The following KHDRBS2 variants were observed in gnomAD, a reference collection of about 807,000 sequenced individuals.
KHDRBS2 encodes the protein KH RNA binding domain containing, signal transduction associated 2.
KHDRBS2 carries 26 observed loss-of-function variants against 44.3 expected under a neutral mutation model. The ratio of observed to expected loss-of-function variants is 0.59; its 90% CI spans 0.43 to 0.81. The LOEUF (loss-of-function observed/expected upper bound fraction) is 0.81. Among genes scored for constraint, KHDRBS2 ranks in the 40% least tolerant of loss-of-function variants. KHDRBS2 has a pLI of 0.00. For synonymous variants in KHDRBS2, 194 were observed against 151.1 expected, an observed-to-expected ratio of 1.28 and a Z score of -2.08; for missense variants, 476 against 433.1, an observed-to-expected ratio of 1.10 and a Z score of -0.88.
chr6:62,040,586 T>C (rs1477098688), intron 3 of KHDRBS2, among the ~76,000 whole-genome samples: 1 of 152,070 alleles, frequency 6.6e-6, no homozygotes, highest in African/African-American at 2.4e-5. Flanking sequence ...TGGTGAATTC[T>C]TTGCTCGCAT....
intron 2 of KHDRBS2, among the ~76,000 whole-genome samples, chr6:62,172,778 C>T (rs1177664890): frequency 1.4e-5 from 2 of 146,992 alleles, no homozygotes; most frequent in Non-Finnish European, 3.0e-5. Context: ...CATATCAATG[C>T]TAAGAAGATT....
intron 4 of KHDRBS2, among the ~76,000 whole-genome samples, chr6:61,902,919 T>C (rs1276114933): frequency 6.6e-6 from 1 of 152,184 alleles, no homozygotes; most frequent in Non-Finnish European, 1.5e-5. Context: ...CTGCCTTGAT[T>C]ACAAGCAAAA....
At chr6:62,075,782 C>T (rs1796211179) in intron 2 of KHDRBS2, among the ~76,000 whole-genome samples, 1 of 151,684 alleles carries the variant, frequency 6.6e-6, no homozygotes, top group South Asian at 2.1e-4. Context: ...AGGTAACACT[C>T]AGCCTCTGTA....
At chr6:61,864,827 A>G (rs1053216606) in intron 6 of KHDRBS2, among the ~76,000 whole-genome samples, 1 of 152,172 alleles carries the variant, frequency 6.6e-6, no homozygotes, top group Non-Finnish European at 1.5e-5. Flanking sequence ...AGTTTGGGAA[A>G]GTTCTTCTGG....
chr6:61,851,554 G>A (rs1583166690), intron 6 of KHDRBS2, among the ~76,000 whole-genome samples: 1 of 152,094 alleles, frequency 6.6e-6, no homozygotes, highest in East Asian at 1.9e-4. Flanking sequence ...TCGGGACACA[G>A]ACAATACATA....
chr6:62,059,978 T>A (rs976571427), intron 2 of KHDRBS2, among the ~76,000 whole-genome samples: 2 of 151,866 alleles, frequency 1.3e-5, no homozygotes, highest in African/African-American at 4.8e-5. Flanking sequence ...TCTAGAATTC[T>A]ACAGGAATGT....
At chr6:62,165,816 A>G (rs1487222260) in intron 2 of KHDRBS2, among the ~76,000 whole-genome samples, 1 of 151,994 alleles carries the variant, frequency 6.6e-6, no homozygotes, top group Non-Finnish European at 1.5e-5. Flanking sequence ...AAGTAGCTGC[A>G]TGTCACTATA....
intron 1 of KHDRBS2, among the ~76,000 whole-genome samples, chr6:62,212,308 A>C (rs1829193192): frequency 6.6e-6 from 1 of 152,102 alleles, no homozygotes; most frequent in South Asian, 2.1e-4. Context: ...CCATATATGT[A>C]TATACATACA....
At chr6:61,745,151 C>T (rs1291512537) in intron 6 of KHDRBS2, among the ~76,000 whole-genome samples, 1 of 152,020 alleles carries the variant, frequency 6.6e-6, no homozygotes, top group Non-Finnish European at 1.5e-5. Flanking sequence ...AATAATACAA[C>T]TTGGCGCTTG....
At chr6:62,074,044 G>A (rs1037220349) in intron 2 of KHDRBS2, among the ~76,000 whole-genome samples, 1 of 151,776 alleles carries the variant, frequency 6.6e-6, no homozygotes, top group African/African-American at 2.4e-5. Flanking sequence ...TGATAAGGCT[G>A]TGAAGATGTG....
chr6:61,577,869 A>G, the KHDRBS2 span, among the ~76,000 whole-genome samples: 84 of 152,266 alleles, frequency 5.5e-4, no homozygotes, highest in African/African-American at 2.0e-3. Flanking sequence ...TTAGTTACGG[A>G]ATGAGAGCAT....
At chr6:61,934,225 G>A (rs938245399) in intron 4 of KHDRBS2, among the ~76,000 whole-genome samples, 1 of 151,824 alleles carries the variant, frequency 6.6e-6, no homozygotes, top group African/African-American at 2.4e-5. Flanking sequence ...TATATACTTT[G>A]CAAATGTTTT....
At chr6:61,906,125 C>T (rs1804966385) in intron 4 of KHDRBS2, among the ~76,000 whole-genome samples, 1 of 152,030 alleles carries the variant, frequency 6.6e-6, no homozygotes, top group African/African-American at 2.4e-5. Context: ...GGAATATAGG[C>T]GTGAGTCACC....
chr6:61,940,435 AGG>A (rs1350117415), intron 4 of KHDRBS2, among the ~76,000 whole-genome samples: 1 of 152,092 alleles, frequency 6.6e-6, no homozygotes, highest in East Asian at 1.9e-4. Flanking sequence ...CAACTAACAT[AGG>A]GAACTTCCAG....
intron 6 of KHDRBS2, among the ~76,000 whole-genome samples, chr6:61,880,945 C>T (rs1241996081): frequency 6.6e-6 from 1 of 151,808 alleles, no homozygotes; most frequent in Non-Finnish European, 1.5e-5. Flanking sequence ...ACATTTGCTT[C>T]CTTAGGAGTG....
At chr6:61,767,706 T>A (rs1417291752) in intron 6 of KHDRBS2, among the ~76,000 whole-genome samples, 1 of 152,136 alleles carries the variant, frequency 6.6e-6, no homozygotes, top group South Asian at 2.1e-4. Context: ...TATTTTAAAC[T>A]GATGACAACT....
chr6:62,043,608 A>G (rs150002883), intron 3 of KHDRBS2, among the ~76,000 whole-genome samples: 2 of 152,150 alleles, frequency 1.3e-5, no homozygotes, highest in East Asian at 3.9e-4. Flanking sequence ...TGCTACTGGT[A>G]TTACCTTGAA....
chr6:61,820,428 G>C (rs1231751063), intron 6 of KHDRBS2, among the ~76,000 whole-genome samples: 4 of 151,972 alleles, frequency 2.6e-5, no homozygotes, highest in Admixed American at 6.6e-5. Context: ...GGTGAATAGA[G>C]ATATTATAGA....
chr6:61,768,795 C>T (rs2127575352), intron 6 of KHDRBS2, among the ~76,000 whole-genome samples: 1 of 152,170 alleles, frequency 6.6e-6, no homozygotes, highest in South Asian at 2.1e-4. Flanking sequence ...CAACAAGGAA[C>T]TCCGATCATT....
Sources: gnomAD v4.1 joint callset for allele counts (sites outside exome capture counted in the v4.1 genomes callset) on GRCh38, gnomAD v4.1.1 for gene constraint, MANE v1.5 for transcripts, NCBI Gene and HGNC (gene_info 2026-07-23, HGNC 2026-07-21) for gene names.